The following ZNF148 variants were observed in gnomAD, a reference collection of about 807,000 sequenced individuals.
ZNF148 encodes zinc finger protein 148.
A neutral mutation model predicts 67.7 loss-of-function variants in ZNF148; 7 were observed. The ratio of observed to expected loss-of-function variants is 0.10; its 90% CI spans 0.06 to 0.19. The LOEUF (loss-of-function observed/expected upper bound fraction) is 0.19. Ranked by LOEUF, ZNF148 falls within the 10% of genes least tolerant of loss-of-function variation. ZNF148 has a pLI of 1.00. For synonymous variants in ZNF148, 333 were observed against 330.7 expected (o/e 1.01, Z -0.08); for missense variants, 583 against 947.1 (o/e 0.62, Z 5.05).
At chr3:125,276,379 A>C (rs1192902904) in intron 7 of ZNF148, among the ~76,000 whole-genome samples, 1 of 152,180 alleles carries the variant, frequency 6.6e-6, no homozygotes, top group Admixed American at 6.5e-5. Flanking sequence ...TAGAACATCC[A>C]AGCATACAGA....
chr3:125,305,481 G>C (rs1460959716), intron 4 of ZNF148, among the ~76,000 whole-genome samples: 2 of 152,126 alleles, frequency 1.3e-5, no homozygotes, highest in East Asian at 3.9e-4. Flanking sequence ...GTAACTAACA[G>C]AACATGTAGT....
intron 5 of ZNF148, among the ~76,000 whole-genome samples, chr3:125,287,303 A>G (rs1938713030): frequency 6.6e-6 from 1 of 152,212 alleles, no homozygotes; most frequent in African/African-American, 2.4e-5. Context: ...ATTTCTAGGA[A>G]TACCAAAAAT....
chr3:125,288,015 C>CT lies in ZNF148; in HGVS notation c.459+87dup. On this transcript the variant is annotated intron_variant, in intron 5 of 8. Transcript: ENST00000360647. ...AACCACACAAGACTTCTACATCTGC[C>CT]TTAGGGTCCAGCCAGGTTCTTGCCT... is the stretch of plus-strand genomic sequence containing the variant. 1.9e-6 allele frequency: 3 copies of CT among 1,582,934 alleles called. No individual in the cohort carries two copies. The South Asian group carries it at 3.4e-5, about 18-fold the overall frequency.
chr3:125,294,413 A>C (rs1408217814), intron 4 of ZNF148, among the ~76,000 whole-genome samples: 1 of 152,248 alleles, frequency 6.6e-6, no homozygotes, highest in African/African-American at 2.4e-5. Context: ...ATACGGTTAC[A>C]TAAGTTTTAA....
chr3:125,244,227 A>G (rs1296744179), intron 7 of ZNF148, among the ~76,000 whole-genome samples: 2 of 152,158 alleles, frequency 1.3e-5, no homozygotes, highest in Non-Finnish European at 2.9e-5. Flanking sequence ...GACATTGCAC[A>G]CAATCAGCTG....
intron 1 of ZNF148, among the ~76,000 whole-genome samples, chr3:125,342,961 C>G (rs1941792800): frequency 6.6e-6 from 1 of 152,094 alleles, no homozygotes; most frequent in African/African-American, 2.4e-5. Flanking sequence ...GAGATAGACT[C>G]AAAACAACAT....
rs1285803280 is a variant in ZNF148 at position 125,233,585 on chromosome 3, C to T, written c.1141G>A (p.Ala381Thr). 1.2e-6 allele frequency: 2 copies of T among 1,613,890 alleles called. No individual in the cohort carries two copies. The highest frequency in any genetic ancestry group is 1.1e-5 in the South Asian group (1 of 91,080). Residue 381 changes from alanine (A) to threonine (T), a missense_variant, in exon 9 of 9, where the codon GCG becomes ACG. Transcript: ENST00000360647. The surrounding 1 kb of genome is among the most constrained non-coding windows in gnomAD (Gnocchi z 5.1). ...TTAGGTGGGTGTATTTCTCCTGACGCATCTTCTAAATGCGAGCCCCCAACT... is the reference window on the plus strand; with the variant it reads ...TTAGGTGGGTGTATTTCTCCTGACGTATCTTCTAAATGCGAGCCCCCAACT... ...SSVGGSHLED[A>T]SGEIHPPKLV...
chr3:125,357,538 C>T (rs907060939), intron 1 of ZNF148, among the ~76,000 whole-genome samples: 1 of 151,716 alleles, frequency 6.6e-6, no homozygotes, highest in African/African-American at 2.4e-5. Context: ...CGGACCCAGG[C>T]GGGCGGCAGC....
chr3:125,244,137 C>T (rs1936490870), intron 7 of ZNF148, among the ~76,000 whole-genome samples: 1 of 152,106 alleles, frequency 6.6e-6, no homozygotes, highest in Admixed American at 6.6e-5. Flanking sequence ...TTTCCCCTAC[C>T]CAAGGGCCCT....
chr3:125,290,546 G>C (rs1313922551), intron 4 of ZNF148, among the ~76,000 whole-genome samples: 1 of 152,010 alleles, frequency 6.6e-6, no homozygotes, highest in Non-Finnish European at 1.5e-5. Context: ...ATATTTTAAA[G>C]TAAGATACTC....
chr3:125,375,308 CA>C lies in ZNF148; in HGVS notation c.-441del, dbSNP rs1943036935. On this transcript the variant is annotated 5_prime_UTR_variant, in exon 1 of 9. It removes the in-frame stop codon of an upstream open reading frame in the 5' UTR. Transcript: ENST00000360647. Reference sequence around the variant, plus strand: ...CCTCCTTCTCTTCCTCCTCCCAGAGCAGTAGAGACGCAGACATGCCGCAGCT... The same window carrying C: ...CCTCCTTCTCTTCCTCCTCCCAGAGCGTAGAGACGCAGACATGCCGCAGCT... 1 of 153,734 alleles carries C rather than the reference CA, an allele frequency of 6.5e-6. No homozygotes were observed. The highest frequency in any genetic ancestry group is 1.4e-5 in the Non-Finnish European group (1 of 69,118). The allele number at this position is 153,734 out of a possible 1,614,324, so 9.5% of individuals were successfully genotyped here.
chr3:125,373,058 C>G (rs185735629), intron 1 of ZNF148, among the ~76,000 whole-genome samples: 2 of 151,848 alleles, frequency 1.3e-5, no homozygotes, highest in African/African-American at 4.8e-5. Flanking sequence ...ATTAAAAGAA[C>G]AGATAATATA....
chr3:125,342,232 C>T (rs1478412625), intron 1 of ZNF148, among the ~76,000 whole-genome samples: 8 of 151,694 alleles, frequency 5.3e-5, no homozygotes, highest in African/African-American at 9.7e-5. Context: ...CTGAAACGTA[C>T]TCAAATTTAG....
chr3:125,310,969 C>T (rs1163571353), intron 4 of ZNF148: 2 of 199,712 alleles, frequency 1.0e-5, no homozygotes, highest in Non-Finnish European at 2.2e-5. Context: ...CCGTTTTGCC[C>T]CATTCTCTGA....
chr3:125,265,877 TTAAC>T (rs1937520134), intron 7 of ZNF148, among the ~76,000 whole-genome samples: 1 of 152,112 alleles, frequency 6.6e-6, no homozygotes, highest in South Asian at 2.1e-4. Flanking sequence ...CTCTTTAATT[TTAAC>T]TAATCACACA....
intron 1 of ZNF148, among the ~76,000 whole-genome samples, chr3:125,358,069 T>C (rs1301457043): frequency 2.0e-5 from 3 of 152,200 alleles, no homozygotes; most frequent in Non-Finnish European, 4.4e-5. Context: ...CCCAGCACTT[T>C]GGGAGGCTGA....
intron 5 of ZNF148, among the ~76,000 whole-genome samples, chr3:125,285,358 T>C (rs1333810438): frequency 6.6e-6 from 1 of 152,170 alleles, no homozygotes; most frequent in Non-Finnish European, 1.5e-5. Context: ...TTCTGAAGCA[T>C]AAATTTTTAT....
chr3:125,250,660 T>C (rs745442786), intron 7 of ZNF148, among the ~76,000 whole-genome samples: 1 of 152,248 alleles, frequency 6.6e-6, no homozygotes, highest in Non-Finnish European at 1.5e-5. Context: ...TCCAGGTAGA[T>C]GACAGCAGTT....
intron 5 of ZNF148, among the ~76,000 whole-genome samples, chr3:125,286,971 G>A (rs1311481321): frequency 2.0e-5 from 3 of 152,106 alleles, no homozygotes; most frequent in Non-Finnish European, 2.9e-5. Flanking sequence ...GAATCAGGAG[G>A]TATAGAAACA....
Sources: allele counts gnomAD v4.1 joint callset (sites outside exome capture counted in the v4.1 genomes callset), GRCh38; gene constraint gnomAD v4.1.1; non-coding constraint Gnocchi (gnomAD v3.1); transcripts MANE v1.5; gene names NCBI Gene and HGNC (gene_info 2026-07-23, HGNC 2026-07-21).